The following MEIS2 variants were observed in gnomAD, a reference collection of about 807,000 sequenced individuals.
The protein encoded by MEIS2 is Meis homeobox 2, also known as homeobox protein Meis2.
A neutral mutation model predicts 58.6 loss-of-function variants in MEIS2; 9 were observed. The ratio of observed to expected loss-of-function variants is 0.15; its 90% CI spans 0.09 to 0.27. MEIS2 has a LOEUF of 0.27. Ranked by LOEUF, MEIS2 falls within the 10% of genes least tolerant of loss-of-function variation. The pLI is 1.00. For synonymous variants in MEIS2, 221 were observed against 228.4 expected, an observed-to-expected ratio of 0.97 and a Z score of 0.29; for missense variants, 427 against 635.0, an observed-to-expected ratio of 0.67 and a Z score of 3.52.
intron 7 of MEIS2, among the ~76,000 whole-genome samples, chr15:37,052,363 A>G (rs1567230628): frequency 6.6e-6 from 1 of 152,218 alleles, no homozygotes; most frequent in South Asian, 2.1e-4. Flanking sequence ...TTCCTATTTA[A>G]TATAAGCAGA....
chr15:36,950,225 T>G, intron 9 of MEIS2, 99 bp downstream of exon 9: 1 of 1,082,544 alleles, frequency 9.2e-7, no homozygotes, highest in Non-Finnish European at 1.3e-6. Flanking sequence ...TCCTCCTCGA[T>G]TTCATTTGTT....
intron 8 of MEIS2, among the ~76,000 whole-genome samples, chr15:37,002,292 C>A (rs933475898): frequency 6.6e-6 from 1 of 151,352 alleles, no homozygotes; most frequent in African/African-American, 2.4e-5. Context: ...AAAGTTCTCC[C>A]TCCTCCTCCC....
chr15:37,021,245 T>A (rs1280256867), intron 8 of MEIS2, among the ~76,000 whole-genome samples: 1 of 152,186 alleles, frequency 6.6e-6, no homozygotes, highest in African/African-American at 2.4e-5. Context: ...TGTTCTCTCT[T>A]CCCTTTCTTC....
rs1894943446 is a variant in MEIS2 at position 37,100,296 on chromosome 15, GCGCTCGCTCT to G, written c.-840_-831del. On this transcript the variant is annotated 5_prime_UTR_variant, in exon 1 of 12. Coordinates refer to ENST00000561208, the MANE Select transcript of MEIS2 (RefSeq NM_170675.5). ...CGCTCTCACTCGCGCTCGCTCTCTCGCGCTCGCTCTCTCTCGCTCTCTTTCTCTCTCTGGG... is the reference window on the plus strand; with the variant it reads ...CGCTCTCACTCGCGCTCGCTCTCTCGCTCTCGCTCTCTTTCTCTCTCTGGG... 1 of 150,368 alleles carries G rather than the reference GCGCTCGCTCT, an allele frequency of 6.7e-6. No individual in the cohort carries two copies. Among genetic ancestry groups the G allele is most frequent in the African/African-American group, 2.5e-5 (1 of 40,220 alleles). The allele number at this position is 150,368 out of a possible 1,614,324, so 9.3% of individuals were successfully genotyped here.
chr15:37,064,691 A>G (rs754917042), intron 7 of MEIS2, among the ~76,000 whole-genome samples: 8 of 152,208 alleles, frequency 5.3e-5, no homozygotes, highest in Non-Finnish European at 1.0e-4. Context: ...GGAAGGTTAT[A>G]AGAACACTTA....
chr15:36,932,345 T>A (rs1044489957), intron 9 of MEIS2, among the ~76,000 whole-genome samples: 3 of 152,206 alleles, frequency 2.0e-5, no homozygotes, highest in Non-Finnish European at 2.9e-5. Flanking sequence ...CTCAGGCCTC[T>A]ATAGTGGCCC....
chr15:36,915,361 G>A (rs1169476227), intron 9 of MEIS2, among the ~76,000 whole-genome samples: 1 of 152,170 alleles, frequency 6.6e-6, no homozygotes, highest in Admixed American at 6.5e-5. Flanking sequence ...TGTGCTAGGA[G>A]GGAAGCTCTC....
chr15:37,000,551 A>G (rs2060684001), intron 8 of MEIS2, among the ~76,000 whole-genome samples: 1 of 152,148 alleles, frequency 6.6e-6, no homozygotes, highest in Non-Finnish European at 1.5e-5. Context: ...CAAAGTCAAA[A>G]TGAGCTTCCC....
At chr15:36,939,262 A>T (rs2058289634) in intron 9 of MEIS2, among the ~76,000 whole-genome samples, 1 of 152,224 alleles carries the variant, frequency 6.6e-6, no homozygotes, top group Admixed American at 6.5e-5. Flanking sequence ...ACGAAAAGTT[A>T]TGCATACCTA....
chr15:36,913,178 G>A (rs1048242071), intron 9 of MEIS2, among the ~76,000 whole-genome samples: 1 of 152,120 alleles, frequency 6.6e-6, no homozygotes, highest in Non-Finnish European at 1.5e-5. Flanking sequence ...AGACTTACTC[G>A]GTTCTTAGCG....
chr15:36,918,866 T>C (rs540788464), intron 9 of MEIS2, among the ~76,000 whole-genome samples: 1 of 152,332 alleles, frequency 6.6e-6, no homozygotes, highest in African/African-American at 2.4e-5. Flanking sequence ...GTGGTAAGTT[T>C]GAATTCTGCT....
intron 9 of MEIS2, among the ~76,000 whole-genome samples, chr15:36,930,096 G>C (rs1053471198): frequency 6.6e-6 from 1 of 151,648 alleles, no homozygotes; most frequent in African/African-American, 2.4e-5. Flanking sequence ...CCAGCTACTT[G>C]GGAGGTTGAG....
chr15:37,041,512 T>C (rs561970389), intron 7 of MEIS2, among the ~76,000 whole-genome samples: 1 of 152,268 alleles, frequency 6.6e-6, no homozygotes, highest in African/African-American at 2.4e-5. Context: ...CAGATTATGC[T>C]CAGAACACAA....
At chr15:36,997,035 G>A (rs1042135052) in intron 8 of MEIS2, among the ~76,000 whole-genome samples, 3 of 152,196 alleles carry the variant, frequency 2.0e-5, no homozygotes, top group Non-Finnish European at 4.4e-5. Context: ...AACAGCCTCT[G>A]AAAAGTTCAG....
intron 8 of MEIS2, among the ~76,000 whole-genome samples, chr15:36,954,494 T>G (rs2058884351): frequency 6.7e-6 from 1 of 148,576 alleles, no homozygotes; most frequent in Non-Finnish European, 1.5e-5. Flanking sequence ...AAATTAAATA[T>G]AAATTAACTA....
At chr15:36,906,629 A>G (rs2056750667) in intron 9 of MEIS2, among the ~76,000 whole-genome samples, 1 of 148,386 alleles carries the variant, frequency 6.7e-6, no homozygotes, top group African/African-American at 2.5e-5. Flanking sequence ...TTTCAGGCTG[A>G]CAAAGTATGT....
chr15:36,938,612 G>A (rs1011811212), intron 9 of MEIS2, among the ~76,000 whole-genome samples: 3 of 152,056 alleles, frequency 2.0e-5, no homozygotes, highest in East Asian at 3.8e-4. Context: ...CATCTACCAC[G>A]ACTGGCCTCT....
chr15:37,027,713 G>A (rs548945313), intron 8 of MEIS2, among the ~76,000 whole-genome samples: 1 of 151,662 alleles, frequency 6.6e-6, no homozygotes, highest in South Asian at 2.1e-4. Context: ...TCTTTTTGAT[G>A]GTAATTTAAT....
At chr15:37,067,253 C>T (rs1007678843) in intron 7 of MEIS2, among the ~76,000 whole-genome samples, 3 of 151,982 alleles carry the variant, frequency 2.0e-5, no homozygotes, top group South Asian at 2.1e-4. Flanking sequence ...TCATGTCTGG[C>T]TAATTTTTGT....
Sources: allele counts gnomAD v4.1 joint callset (sites outside exome capture counted in the v4.1 genomes callset), GRCh38; gene constraint gnomAD v4.1.1; transcripts MANE v1.5; gene names NCBI Gene and HGNC (gene_info 2026-07-23, HGNC 2026-07-21).